PCDHA1: variants seen among roughly 807,000 people sequenced by gnomAD.
The protein encoded by PCDHA1 is protocadherin alpha-1.
In PCDHA1, 42 loss-of-function variants were observed where a neutral mutation model predicts 61.3. The ratio of observed to expected loss-of-function variants is 0.69; its 90% confidence interval spans 0.54 to 0.89. The LOEUF (loss-of-function observed/expected upper bound fraction) is 0.89, where lower values mean the gene tolerates loss of function less well. Ranked by LOEUF, PCDHA1 falls within the 40% of genes least tolerant of loss-of-function variation. PCDHA1 has a pLI of 0.00. For synonymous variants in PCDHA1, 610 were observed against 553.8 expected, an observed-to-expected ratio of 1.10 and a Z score of -1.43; for missense variants, 1,256 against 1,235.3, an observed-to-expected ratio of 1.02 and a Z score of -0.25.
intron 1 of PCDHA1, among the ~76,000 whole-genome samples, chr5:140,913,921 C>T (rs782350245): frequency 1.4e-4 from 22 of 152,018 alleles, no homozygotes; most frequent in South Asian, 1.2e-3. Flanking sequence ...AATTTTACTT[C>T]ATTGTGGTCA....
At chr5:140,954,498 G>T (rs2095045375) in intron 1 of PCDHA1, among the ~76,000 whole-genome samples, 1 of 152,156 alleles carries the variant, frequency 6.6e-6, no homozygotes, top group Non-Finnish European at 1.5e-5. Context: ...TTGTGGTTTT[G>T]ATTTGCATTT....
At chr5:140,844,894 C>G (rs2150374853) in intron 1 of PCDHA1, among the ~76,000 whole-genome samples, 6 of 149,362 alleles carry the variant, frequency 4.0e-5, no homozygotes, top group African/African-American at 1.2e-4. Context: ...GTGCATATTG[C>G]TTTGGAGAGA....
chr5:140,979,145 G>A, intron 2 of PCDHA1, 138 bp downstream of exon 2: 1 of 1,447,220 alleles, frequency 6.9e-7, no homozygotes, highest in Non-Finnish European at 9.1e-7. Context: ...CAATTATTTT[G>A]TCCCCATGTT....
intron 1 of PCDHA1, chr5:140,817,499 T>C (rs1278332706): frequency 6.6e-6 from 1 of 152,240 alleles, no homozygotes; most frequent in African/African-American, 2.4e-5. Context: ...CTATATATGC[T>C]TTTACAAATT....
intron 1 of PCDHA1, chr5:140,851,169 T>C: frequency 1.6e-6 from 2 of 1,280,288 alleles, no homozygotes; most frequent in Non-Finnish European, 2.0e-6. Flanking sequence ...TATGCTGCCA[T>C]AACACTTGAA....
chr5:140,809,469 G>T (rs1655310932), intron 1 of PCDHA1: 1 of 1,614,250 alleles, frequency 6.2e-7, no homozygotes, highest in South Asian at 1.1e-5. Flanking sequence ...GTGTGCTCTG[G>T]TGAGGGCCCA....
intron 1 of PCDHA1, chr5:140,801,810 A>C (rs781955396): frequency 1.2e-6 from 2 of 1,613,894 alleles, no homozygotes; most frequent in African/African-American, 2.7e-5. Flanking sequence ...TCGAGAGGAC[A>C]CTCCTAAGCA....
intron 1 of PCDHA1, among the ~76,000 whole-genome samples, chr5:140,887,714 T>C (rs772328025): frequency 6.6e-6 from 1 of 152,220 alleles, no homozygotes; most frequent in Admixed American, 6.5e-5. Flanking sequence ...CTTCTTCTAA[T>C]AGTTTTTTCT....
rs782621350 is a variant in PCDHA1 at position 140,876,591 on chromosome 5, C to T, written c.2394+87907C>T. ...TGGGTACCGTCATTGCCCTGATTAG[C>T]GTGTCGGATCGTGACTCTGGAGCCA... On this transcript the variant is annotated intron_variant, in intron 1 of 3. Transcript: ENST00000504120. 9.5e-5 allele frequency: 153 copies of T among 1,614,058 alleles called. 1 individual carries two copies. The highest frequency in any genetic ancestry group is 8.2e-4 in the Middle Eastern group (5 of 6,082).
At chr5:140,988,348 A>T (rs2097293800) in intron 3 of PCDHA1, among the ~76,000 whole-genome samples, 1 of 152,116 alleles carries the variant, frequency 6.6e-6, no homozygotes, top group Admixed American at 6.6e-5. Flanking sequence ...TCCTTTTAAG[A>T]TGCACTTTTA....
intron 1 of PCDHA1, chr5:140,877,033 C>A: frequency 6.2e-7 from 1 of 1,612,480 alleles, no homozygotes; most frequent in East Asian, 2.2e-5. Flanking sequence ...GTACGCGCTG[C>A]AGCCGCTAGA....
intron 1 of PCDHA1, chr5:140,841,311 G>C: frequency 1.3e-6 from 2 of 1,582,248 alleles, no homozygotes; most frequent in Non-Finnish European, 1.7e-6. Context: ...GATAGGAAAC[G>C]ACTATTTAAC....
intron 1 of PCDHA1, among the ~76,000 whole-genome samples, chr5:140,790,380 C>T (rs1554118534): frequency 6.6e-6 from 1 of 152,186 alleles, no homozygotes; most frequent in African/African-American, 2.4e-5. Context: ...TTCAAACATA[C>T]ATGAATGTCC....
rs781871079 is a variant in PCDHA1, at chr5:140,857,427, C to T, written c.2394+68743C>T. 3 of 1,598,334 alleles carry T rather than the reference C, an allele frequency of 1.9e-6. No individual in the cohort carries two copies. In the East Asian group the frequency reaches 6.7e-5, roughly 36 times the overall value. ...CCTGCGTTCGCGCAGTCCGAGTACA[C>T]GGTGTTCGTGAAGGAGAACAACCCG... On this transcript the variant is annotated intron_variant, in intron 1 of 3. Coordinates refer to ENST00000504120, the MANE Select transcript of PCDHA1 (RefSeq NM_018900.4).
At chr5:140,878,747 A>G (rs1371286502) in intron 1 of PCDHA1, among the ~76,000 whole-genome samples, 1 of 152,186 alleles carries the variant, frequency 6.6e-6, no homozygotes, top group Non-Finnish European at 1.5e-5. Context: ...ACTTTCTTAC[A>G]TATCTTTAGT....
intron 1 of PCDHA1, chr5:140,856,310 C>A: frequency 1.3e-6 from 2 of 1,598,548 alleles, no homozygotes; most frequent in Non-Finnish European, 1.7e-6. Context: ...TGTGAATTCT[C>A]GGATTGACCG....
chr5:140,870,017 G>T, intron 1 of PCDHA1: 1 of 1,613,620 alleles, frequency 6.2e-7, no homozygotes, highest in Non-Finnish European at 8.5e-7. Flanking sequence ...AGGGTCAATG[G>T]AACTTTAGAT....
At chr5:140,836,199 T>C in intron 1 of PCDHA1, 1 of 1,613,834 alleles carries the variant, frequency 6.2e-7, no homozygotes, top group Admixed American at 1.7e-5. Flanking sequence ...CTACAACGCG[T>C]GGCTTTCGTA....
At chr5:141,002,133 C>T (rs1172462824) in intron 3 of PCDHA1, among the ~76,000 whole-genome samples, 2 of 152,248 alleles carry the variant, frequency 1.3e-5, no homozygotes, top group African/African-American at 4.8e-5. Context: ...ATAGCCTTTG[C>T]CGGCTGCACT....
Sources: gnomAD v4.1 joint callset for allele counts (sites outside exome capture counted in the v4.1 genomes callset) on GRCh38, gnomAD v4.1.1 for gene constraint, MANE v1.5 for transcripts, NCBI Gene and HGNC (gene_info 2026-07-23, HGNC 2026-07-21) for gene names.